Variants in MYH14 observed in about 807,000 individuals in gnomAD.
MYH14 encodes myosin heavy chain 14.
A neutral mutation model predicts 255.5 loss-of-function variants in MYH14; 123 were observed. The ratio of observed to expected loss-of-function variants is 0.48; its 90% CI spans 0.42 to 0.56. The LOEUF (loss-of-function observed/expected upper bound fraction) is 0.56. MYH14 is among the 20% of genes least tolerant of loss of function. The pLI, the probability that MYH14 is intolerant of heterozygous loss-of-function variation, is 0.00. For missense variants in MYH14, 2,423 were observed against 2,802.3 expected (o/e 0.86, Z 3.06); for synonymous variants, 1,095 against 1,161.2 (o/e 0.94, Z 1.16).
At chr19:50,309,555 C>T (rs1568564130) in intron 42 of MYH14, 85 bp from the exon 43 acceptor site, 3 of 864,284 alleles carry the variant, frequency 3.5e-6, no homozygotes, top group Non-Finnish European at 5.6e-6. Flanking sequence ...CTCTCTCTCC[C>T]CCTCATCTCT....
rs1568458301 is a variant in MYH14, at chr19:50,207,256, AAAGAGAGAGAGAGACAGAGAGAGAG to A, written c.-3-3105_-3-3081del. Among the ~76,000 whole-genome samples, 198 of 135,722 alleles carry A rather than the reference AAAGAGAGAGAGAGACAGAGAGAGAG, an allele frequency of 1.5e-3. 1 individual carries two copies. The highest frequency in any genetic ancestry group is 7.3e-3 in the Middle Eastern group (2 of 274). 89.0% of individuals were successfully genotyped at this position (135,722 alleles called of 152,430 possible). A position where few individuals can be genotyped will look rare whatever the true frequency, so the allele number is the denominator to read the frequency against. On this transcript the variant is annotated intron_variant, in intron 1 of 42. Transcript: ENST00000642316. Reference sequence around the variant, plus strand: ...AGAAAAAAGAGAGAGAGAGAGAGAGAAAGAGAGAGAGAGACAGAGAGAGAGAGAGAGAGAGAGAGAGAGAGAGAGA... The same window carrying A: ...AGAAAAAAGAGAGAGAGAGAGAGAGAAGAGAGAGAGAGAGAGAGAGAGAGA...
intron 21 of MYH14, 35 bp from the exon 22 acceptor site, chr19:50,263,277 C>A: frequency 7.2e-7 from 1 of 1,382,096 alleles, no homozygotes; most frequent in Non-Finnish European, 9.8e-7. Context: ...CGCCTGGAGG[C>A]TCCCACTCTG....
rs201040702 is a variant in MYH14 at position 50,301,725 on chromosome 19, G to C, written c.5534G>C (p.Arg1845Pro). Residue 1845 changes from arginine to proline, a missense_variant, in exon 40 of 43, where the codon CGG (arginine) becomes CCG (proline). Coordinates refer to ENST00000642316, the MANE Select transcript of MYH14 (RefSeq NM_001145809.2). The stretch of plus-strand genomic sequence containing the variant: ...TTCTCAGCCAAGGCAGAGAGCGGGC[G>C]GCAGCAGCTGGAACGGCAGATCCAG... The part of the protein sequence containing the change: ...RSFSAKAESG[R>P]QQLERQIQEL... The C allele has an allele frequency of 6.2e-7, 1 of 1,613,944 alleles. No individual in the cohort carries two copies. The highest frequency in any genetic ancestry group is 8.5e-7 in the Non-Finnish European group (1 of 1,179,854).
intron 8 of MYH14, among the ~76,000 whole-genome samples, chr19:50,228,987 T>C (rs890940446): frequency 5.3e-5 from 8 of 152,198 alleles, no homozygotes; most frequent in Non-Finnish European, 2.9e-5. Context: ...GAGTGCTGAC[T>C]GTGTGCCCAC....
chr19:50,265,281 G>A (rs1039764897), intron 22 of MYH14, among the ~76,000 whole-genome samples: 1 of 151,474 alleles, frequency 6.6e-6, no homozygotes, highest in African/African-American at 2.4e-5. Context: ...GGAGGCCAAG[G>A]CAGGAGCATC....
chr19:50,270,285 G>A (rs1444193720), intron 24 of MYH14, among the ~76,000 whole-genome samples: 1 of 152,084 alleles, frequency 6.6e-6, no homozygotes, highest in Non-Finnish European at 1.5e-5. Flanking sequence ...TTGGGAGGCC[G>A]AGGTTGGTGG....
intron 6 of MYH14, among the ~76,000 whole-genome samples, chr19:50,224,489 C>T (rs2033002536): frequency 6.6e-6 from 1 of 152,212 alleles, no homozygotes; most frequent in Non-Finnish European, 1.5e-5. Context: ...GAAATACACG[C>T]ATGTCCCATG....
At chr19:50,225,779 G>T in intron 7 of MYH14, 102 bp downstream of exon 7, 1 of 869,072 alleles carries the variant, frequency 1.2e-6, no homozygotes. Flanking sequence ...TGTTGAGGGA[G>T]GAGGGGCTGG....
At position 50,230,867 on chromosome 19, in the gene MYH14, A is replaced by T; in HGVS notation, c.973+244A>T. 1 of 500,536 alleles carries T rather than the reference A, an allele frequency of 2.0e-6. No homozygotes were observed. Among genetic ancestry groups the T allele is most frequent in the Non-Finnish European group, 3.6e-6 (1 of 277,794 alleles). 31.0% of individuals were successfully genotyped at this position (500,536 alleles called of 1,614,324 possible). ...CTCGCGCCCGCTGTCACGGCCACGC[A>T]GCCCCCGCCGCCTGGTGGCTCCTGC... On this transcript the variant is annotated intron_variant, in intron 9 of 42. Transcript: ENST00000642316. This position sits in a 1 kb window ranked among gnomAD's most constrained non-coding sequence, Gnocchi z 4.7.
At chr19:50,278,859 A>T (rs1243675135) in intron 30 of MYH14, among the ~76,000 whole-genome samples, 1 of 150,606 alleles carries the variant, frequency 6.6e-6, no homozygotes, top group Non-Finnish European at 1.5e-5. Flanking sequence ...GTGATGGCGC[A>T]TGCCTGTAAT....
At position 50,221,498 on chromosome 19, in the gene MYH14, C is replaced by T. The variant is rs992999511; in HGVS notation, c.563-1585C>T. Among the ~76,000 whole-genome samples the T allele has an allele frequency of 5.3e-5, 8 of 152,062 alleles. No individual in the cohort carries two copies. The highest frequency in any genetic ancestry group is 3.9e-4 in the East Asian group (2 of 5,180). ...TTATTTAAATTTATTTATTTAGAGA[C>T]GGAGCCTCACTCTTGTCACCCAGGC... On this transcript the variant is annotated intron_variant, in intron 3 of 42. Transcript: ENST00000642316. The surrounding 1 kb of genome is among the most constrained non-coding windows in gnomAD (Gnocchi z 5.3).
intron 24 of MYH14, among the ~76,000 whole-genome samples, chr19:50,269,478 G>A (rs182718598): frequency 3.3e-5 from 5 of 152,236 alleles, no homozygotes; most frequent in East Asian, 3.9e-4. Flanking sequence ...CACCATGCCC[G>A]GCCCAGTAGT....
At position 50,261,561 on chromosome 19, in the gene MYH14, A is replaced by G. The variant is rs1327309288; in HGVS notation, c.2511A>G (p.Glu837=). Residue 837 remains glutamate (E), a synonymous_variant, in exon 21 of 43, where the codon GAA becomes GAG. Transcript: ENST00000642316. ...FFRAGVLAQL[E]EERDLKVTDI... ...GGGCTGGGGTCCTGGCCCAGCTGGA[A>G]GAGGAGCGAGACCTGAAGGTCACCG... 1.2e-6 allele frequency: 2 copies of G among 1,600,818 alleles called. No homozygotes were observed. The highest frequency in any genetic ancestry group is 2.3e-5 in the East Asian group (1 of 43,814).
Position 50,257,969 on chromosome 19 carries a change from C to T in MYH14, c.2232+483C>T, listed in dbSNP as rs577000728. The stretch of plus-strand genomic sequence containing the variant: ...AGGCCCAATGGTAGGTTGGAGCACG[C>T]GAGGTACAAGGGATAGAGGAAGGCC... On this transcript the variant is annotated intron_variant, in intron 18 of 42. Coordinates refer to ENST00000642316, the MANE Select transcript of MYH14 (RefSeq NM_001145809.2). Among the ~76,000 whole-genome samples the T allele has an allele frequency of 3.5e-4, 53 of 152,174 alleles. No individual in the cohort carries two copies. In the South Asian group the frequency reaches 5.6e-3, roughly 16 times the overall value.
intron 3 of MYH14, among the ~76,000 whole-genome samples, chr19:50,222,373 G>A (rs1425338655): frequency 1.3e-5 from 2 of 151,640 alleles, no homozygotes; most frequent in Non-Finnish European, 2.9e-5. Flanking sequence ...CCAGGTACTT[G>A]GGAGGTTGAG....
chr19:50,230,550 C>G lies in MYH14; in HGVS notation c.900C>G (p.Ile300Met). Residue 300 changes from isoleucine to methionine, a missense_variant, in exon 9 of 43, where the codon ATC becomes ATG. By Grantham distance (10) the Ile-to-Met change is conservative (BLOSUM62 1). Around this residue, in one of 3 missense-constraint regions of MYH14, gnomAD observed 672 missense variants for 881.8 expected, o/e 0.76. Transcript: ENST00000642316. The surrounding 1 kb of genome is among the most constrained non-coding windows in gnomAD (Gnocchi z 4.7). The part of the protein sequence containing the change: ...ETYLLEKSRA[I>M]RQAKDECSFH... ...ACCTGCTGGAGAAGTCGCGGGCCATCCGCCAGGCCAAGGACGAGTGCAGCT... is the reference window on the plus strand; with the variant it reads ...ACCTGCTGGAGAAGTCGCGGGCCATGCGCCAGGCCAAGGACGAGTGCAGCT... 1 of 1,568,364 alleles carries G rather than the reference C, an allele frequency of 6.4e-7. No homozygotes were observed. Among genetic ancestry groups the G allele is most frequent in the South Asian group, 1.2e-5 (1 of 84,960 alleles).
rs4519440 is a variant in MYH14, at chr19:50,263,671, C to A, written c.2694+251C>A. Among the ~76,000 whole-genome samples, 38,584 of 152,078 alleles carry A rather than the reference C, an allele frequency of 0.25. 5,420 individuals are homozygous for A. The highest frequency in any genetic ancestry group is 0.53 in the East Asian group (2,730 of 5,152). Reference sequence around the variant, plus strand: ...CTGGATCCAGGGGTCCCCAAGACTTCTGTTCAAGGATTTGCTGGAAGGACT... The same window carrying A: ...CTGGATCCAGGGGTCCCCAAGACTTATGTTCAAGGATTTGCTGGAAGGACT... On this transcript the variant is annotated intron_variant, in intron 22 of 42. Coordinates refer to ENST00000642316, the MANE Select transcript of MYH14 (RefSeq NM_001145809.2).
Position 50,307,483 on chromosome 19 carries a change from T to G in MYH14, c.5787+326T>G, listed in dbSNP as rs553238288. Among the ~76,000 whole-genome samples the G allele has an allele frequency of 3.9e-5, 6 of 152,198 alleles. No individual in the cohort carries two copies. The South Asian group carries it at 1.2e-3, about 32-fold the overall frequency. The stretch of plus-strand genomic sequence containing the variant: ...AGGCACTGTGCTAAAGACATAACAT[T>G]TACTGTGTTTAATTCTTATCAGAAT... On this transcript the variant is annotated intron_variant, in intron 41 of 42. Coordinates refer to ENST00000642316, the MANE Select transcript of MYH14 (RefSeq NM_001145809.2).
chr19:50,301,795 C>G lies in MYH14; in HGVS notation c.5604C>G (p.Ala1868=). ...RLGEEDAGAR[A]RHKMTIAALE... is the part of the protein sequence containing the mutation. ...GTGAGGAGGATGCTGGGGCCCGTGC[C>G]CGCCACAAGATGACCATTGCTGCCC... The change falls in exon 40 of 43, where the codon GCC becomes GCG. Residue 1868 remains alanine (A), a synonymous_variant. Coordinates refer to ENST00000642316, the MANE Select transcript of MYH14 (RefSeq NM_001145809.2). 1 of 1,613,850 alleles carries G rather than the reference C, an allele frequency of 6.2e-7. No homozygotes were observed. Among genetic ancestry groups the G allele is most frequent in the Non-Finnish European group, 8.5e-7 (1 of 1,179,876 alleles).
Sources: gnomAD v4.1 joint callset for allele counts (sites outside exome capture counted in the v4.1 genomes callset) on GRCh38, gnomAD v4.1.1 for gene constraint, gnomAD v4.1.1 regional missense constraint, Gnocchi (gnomAD v3.1) non-coding constraint, MANE v1.5 for transcripts, NCBI Gene and HGNC (gene_info 2026-07-23, HGNC 2026-07-21) for gene names.